ZNF33B: variants seen among roughly 807,000 people sequenced by gnomAD.
The protein encoded by ZNF33B is zinc finger protein 33B, also known as zinc finger protein 11b (KOX 2).
In ZNF33B, 29 loss-of-function variants were observed where a neutral mutation model predicts 45.8. The observed-to-expected ratio is 0.63, with a 90% CI of 0.47 to 0.86. The LOEUF is 0.86. Among genes scored for constraint, ZNF33B ranks in the 40% least tolerant of loss-of-function variants. The pLI is 0.00. For synonymous variants in ZNF33B, 305 were observed against 307.8 expected (o/e 0.99, Z 0.10); for missense variants, 831 against 909.9 (o/e 0.91, Z 1.12).
downstream of ZNF33B, among the ~76,000 whole-genome samples, chr10:42,587,146 G>T (rs1836951440): frequency 6.6e-6 from 1 of 152,040 alleles, no homozygotes; most frequent in African/African-American, 2.4e-5. Flanking sequence ...CCTCCCAAAG[G>T]CCAAACCTTT....
At position 42,593,893 on chromosome 10, in the gene ZNF33B, C is replaced by T. The variant is rs756187933; in HGVS notation, c.1057G>A (p.Gly353Arg). 15 of 1,614,042 alleles carry T rather than the reference C, an allele frequency of 9.3e-6. No homozygotes were observed. The highest frequency in any genetic ancestry group is 9.3e-6 in the Non-Finnish European group (11 of 1,179,934). Residue 353 changes from glycine (G) to arginine (R), a missense_variant, in exon 5 of 5, where the codon GGA becomes AGA. Physicochemically the swap from Gly to Arg is moderately radical, Grantham distance 125. Coordinates refer to ENST00000359467, the MANE Select transcript of ZNF33B (RefSeq NM_006955.3). ...TGATTACATTGAAAGTGTTTCTCTC[C>T]TGTGTGCACCCTCTGATGTCGAGTG... ...HLTRHQRVHT[G>R]EKHFQCNQCG...
chr10:42,600,913 T>G (rs1334638848), intron 4 of ZNF33B, among the ~76,000 whole-genome samples: 2 of 138,910 alleles, frequency 1.4e-5, no homozygotes, highest in Admixed American at 1.5e-4. Flanking sequence ...AGTCAACATT[T>G]CCTGTTCTTC....
intron 4 of ZNF33B, among the ~76,000 whole-genome samples, chr10:42,629,633 C>T (rs1182962856): frequency 6.6e-6 from 1 of 152,124 alleles, no homozygotes; most frequent in African/African-American, 2.4e-5. Context: ...TTTTTCCACT[C>T]TGCCAATTTA....
intron 4 of ZNF33B, among the ~76,000 whole-genome samples, chr10:42,603,442 A>C (rs1267883685): frequency 3.3e-5 from 5 of 152,212 alleles, no homozygotes; most frequent in African/African-American, 1.2e-4. Flanking sequence ...TACTGGAGAG[A>C]GCAAGGGAAA....
At chr10:42,615,961 G>A (rs575130199) in intron 4 of ZNF33B, among the ~76,000 whole-genome samples, 2 of 151,330 alleles carry the variant, frequency 1.3e-5, no homozygotes, top group East Asian at 2.0e-4. Context: ...GGTGGCTTAC[G>A]CCTGTAATCT....
rs569749396 is a variant in ZNF33B at position 42,580,466 on chromosome 10, G to A, written c.74-5788C>T. On this transcript the variant is annotated intron_variant, in intron 1 of 1. Transcript: ENST00000462075. ...TTGGCCAGGCTGGTCTTGAACTCCT[G>A]GCCTCAAGTGATCCCCCCACCTTGG... 3.8e-3 allele frequency among the ~76,000 whole-genome samples: 578 copies of A among 151,786 alleles called. 3 individuals carry two copies. Among genetic ancestry groups the A allele is most frequent in the Middle Eastern group, 0.024 (7 of 294 alleles).
intron 4 of ZNF33B, among the ~76,000 whole-genome samples, chr10:42,610,229 T>C (rs1237310722): frequency 6.6e-6 from 1 of 152,158 alleles, no homozygotes; most frequent in South Asian, 2.1e-4. Flanking sequence ...AAACAAATCA[T>C]AAATGAAATT....
chr10:42,630,837 T>C (rs1033323177), intron 4 of ZNF33B, among the ~76,000 whole-genome samples: 1 of 152,220 alleles, frequency 6.6e-6, no homozygotes, highest in African/African-American at 2.4e-5. Context: ...ATAAGGCTTA[T>C]GATAGGCTCA....
chr10:42,593,354 T>G lies in ZNF33B; in HGVS notation c.1596A>C (p.Lys532Asn). The change falls in exon 5 of 5, where the codon AAA becomes AAC. Residue 532 changes from lysine to asparagine, a missense_variant. Lys to Asn is a moderately conservative substitution (Grantham distance 94). Coordinates refer to ENST00000359467, the MANE Select transcript of ZNF33B (RefSeq NM_006955.3). The stretch of plus-strand genomic sequence containing the variant: ...TGAGGTCTGACTTCAAGCAGAAGGT[T>G]TTCCCACATTCATAACATTCATAAG... ...LKPYECYECGKTFCLKSDLTI... is the reference protein window; with the variant it reads ...LKPYECYECGNTFCLKSDLTI... 6.2e-7 allele frequency: 1 copy of G among 1,613,876 alleles called. No individual in the cohort carries two copies. Among genetic ancestry groups the G allele is most frequent in the Non-Finnish European group, 8.5e-7 (1 of 1,179,954 alleles).
At chr10:42,585,980 G>A (rs1836925950), downstream of ZNF33B, among the ~76,000 whole-genome samples, 1 of 152,136 alleles carries the variant, frequency 6.6e-6, no homozygotes, top group African/African-American at 2.4e-5. Flanking sequence ...GAACCTGTGG[G>A]ACCAGAGTCA....
intron 4 of ZNF33B, among the ~76,000 whole-genome samples, chr10:42,598,951 TTA>T (rs1326968434): frequency 1.3e-5 from 2 of 151,168 alleles, no homozygotes; most frequent in Non-Finnish European, 3.0e-5. Context: ...GGAAAAGTCT[TTA>T]TAAATTGGTA....
Position 42,589,288 on chromosome 10 carries a change from T to A in ZNF33B, c.*3325A>T, listed in dbSNP as rs9787682. 9.9e-5 allele frequency: 15 copies of A among 152,180 alleles called. No individual in the cohort carries two copies. The highest frequency in any genetic ancestry group is 3.1e-4 in the African/African-American group (13 of 41,446). 9.4% of individuals were successfully genotyped at this position (152,180 alleles called of 1,614,324 possible). Reference sequence around the variant, plus strand: ...CATCATTATGGTTCATTTGTTACAATTGATGAGCCAATAGTGGTACACTGT... The same window carrying A: ...CATCATTATGGTTCATTTGTTACAAATGATGAGCCAATAGTGGTACACTGT... On this transcript the variant is annotated 3_prime_UTR_variant, in exon 5 of 5. Transcript: ENST00000359467.
intron 4 of ZNF33B, among the ~76,000 whole-genome samples, chr10:42,613,734 T>C (rs2132103229): frequency 6.6e-6 from 1 of 152,330 alleles, no homozygotes; most frequent in Non-Finnish European, 1.5e-5. Context: ...TGGTTACATG[T>C]AGAACTATAT....
At chr10:42,635,073 T>G (rs1189664858) in intron 2 of ZNF33B, among the ~76,000 whole-genome samples, 1 of 151,954 alleles carries the variant, frequency 6.6e-6, no homozygotes, top group African/African-American at 2.4e-5. Flanking sequence ...TGAAACCCCA[T>G]CTCTATTAAA....
At chr10:42,617,786 A>C (rs1242227617) in intron 4 of ZNF33B, among the ~76,000 whole-genome samples, 1 of 151,762 alleles carries the variant, frequency 6.6e-6, no homozygotes, top group Non-Finnish European at 1.5e-5. Context: ...TTACACAAAT[A>C]ACAGATCATG....
chr10:42,593,226 T>G lies in ZNF33B; in HGVS notation c.1724A>C (p.His575Pro). The stretch of plus-strand genomic sequence containing the variant: ...ACATTCATAGGGTTTCTCCCCCGTG[T>G]GTGTTCTATAATGTTGAGAGAGGGT... ...KSTLSQHYRT[H>P]TGEKPYECHE... Residue 575 changes from histidine (H) to proline (P), a missense_variant, in exon 5 of 5, where the codon CAC (histidine) becomes CCC (proline). Physicochemically the swap from His to Pro is moderately conservative, Grantham distance 77 (BLOSUM62 -2). Transcript: ENST00000359467. 6.2e-7 allele frequency: 1 copy of G among 1,613,856 alleles called. No individual in the cohort carries two copies. Among genetic ancestry groups the G allele is most frequent in the Non-Finnish European group, 8.5e-7 (1 of 1,179,972 alleles).
At chr10:42,631,819 C>A (rs1016001854) in intron 4 of ZNF33B, 110 bp downstream of exon 4, 21 of 864,374 alleles carry the variant, frequency 2.4e-5, no homozygotes, top group Non-Finnish European at 3.7e-5. Context: ...GAGGTTAGGA[C>A]CCCTATGGAG....
Position 42,590,545 on chromosome 10 carries a change from C to A in ZNF33B, c.*2068G>T, listed in dbSNP as rs754226037. The A allele has an allele frequency of 5.9e-5, 9 of 152,096 alleles. No individual in the cohort carries two copies. The highest frequency in any genetic ancestry group is 1.3e-4 in the Admixed American group (2 of 15,258). The allele number at this position is 152,096 out of a possible 1,614,324, so 9.4% of individuals were successfully genotyped here. On this transcript the variant is annotated 3_prime_UTR_variant, in exon 5 of 5. Coordinates refer to ENST00000359467, the MANE Select transcript of ZNF33B (RefSeq NM_006955.3). ...GACTATACACGCATGCCACCACGCC[C>A]GGCTAACTTTTTGTATTTTTAGCCA...
chr10:42,636,681 G>A (rs766014958), intron 2 of ZNF33B: 12 of 541,200 alleles, frequency 2.2e-5, no homozygotes, highest in Non-Finnish European at 2.9e-5. Context: ...TTAGCCAGGC[G>A]TGGCGGCCTG....
Sources: allele counts gnomAD v4.1 joint callset (sites outside exome capture counted in the v4.1 genomes callset), GRCh38; gene constraint gnomAD v4.1.1; transcripts MANE v1.5; gene names NCBI Gene and HGNC (gene_info 2026-07-23, HGNC 2026-07-21).